MINPP1: variants seen among roughly 807,000 people sequenced by gnomAD.
The protein encoded by MINPP1 is multiple inositol-polyphosphate phosphatase 1, also known as multiple inositol polyphosphate phosphatase 1.
MINPP1 carries 28 observed loss-of-function variants against 46.1 expected under a neutral mutation model. That is an observed-to-expected ratio of 0.61 (90% CI 0.45 to 0.83). MINPP1 has a LOEUF of 0.83. MINPP1 is among the 40% of genes least tolerant of loss of function. MINPP1 has a pLI of 0.00. For synonymous variants in MINPP1, 268 were observed against 249.1 expected (o/e 1.08, Z -0.72); for missense variants, 603 against 610.0 (o/e 0.99, Z 0.12).
rs146529700 is a variant in MINPP1 at position 87,505,228 on chromosome 10, C to T, written c.313C>T (p.Leu105=). The T allele has an allele frequency of 3.7e-6, 6 of 1,612,142 alleles. No individual in the cohort carries two copies. In the African/African-American group the frequency reaches 6.7e-5, roughly 18 times the overall value. Residue 105 remains leucine (L), a synonymous_variant, in exon 1 of 5, where the codon CTG becomes TTG. Coordinates refer to ENST00000371996, the MANE Select transcript of MINPP1 (RefSeq NM_004897.5). The surrounding 1 kb of genome is among the most constrained non-coding windows in gnomAD (Gnocchi z 4.4). ...TVKQIRKLRQ[L]HGLLQARGSR... ...CAAACAGATCCGCAAGCTGAGGCAGCTGCACGGGTTGCTGCAGGCCCGCGG... is the reference window on the plus strand; with the variant it reads ...CAAACAGATCCGCAAGCTGAGGCAGTTGCACGGGTTGCTGCAGGCCCGCGG...
intron 4 of MINPP1, among the ~76,000 whole-genome samples, chr10:87,535,853 A>T (rs10788548): frequency 0.85 from 129,799 of 152,092 alleles, 55,745 homozygotes; most frequent in African/African-American, 0.95. Flanking sequence ...CACCTGAGCC[A>T]GGGAGCTCGA....
rs1310306593 is a variant in MINPP1 at position 87,552,617 on chromosome 10, TTC to T, written c.*145_*146del. The T allele has an allele frequency of 2.3e-6, 2 of 882,026 alleles. No individual in the cohort carries two copies. The highest frequency in any genetic ancestry group is 3.5e-6 in the Non-Finnish European group (2 of 571,582). The allele number at this position is 882,026 out of a possible 1,614,324, so 54.6% of individuals were successfully genotyped here. A position where few individuals can be genotyped will look rare whatever the true frequency, so the allele number is the denominator to read the frequency against. ...GTCTTTTCACAGAAAAACATTGGGT[TTC>T]TCTCTGGGTTTGGACATGAAATGTA... On this transcript the variant is annotated 3_prime_UTR_variant, in exon 5 of 5. Transcript: ENST00000371996.
chr10:87,513,323 G>A (rs1851363382), intron 3 of MINPP1, 102 bp downstream of exon 3: 3 of 779,290 alleles, frequency 3.8e-6, no homozygotes, highest in Non-Finnish European at 6.7e-6. Flanking sequence ...AAAATGAGTA[G>A]TTAGGGAACA....
chr10:87,525,476 C>G (rs1047012439), intron 4 of MINPP1, among the ~76,000 whole-genome samples: 1 of 152,130 alleles, frequency 6.6e-6, no homozygotes, highest in Non-Finnish European at 1.5e-5. Flanking sequence ...ATGTATCATT[C>G]TTTTTCATGG....
intron 1 of MINPP1, chr10:87,508,051 G>A: frequency 6.9e-7 from 1 of 1,443,396 alleles, no homozygotes; most frequent in Non-Finnish European, 9.0e-7. Context: ...GACAGAAACA[G>A]TACTTATTAA....
At chr10:87,527,110 G>A (rs1053295723) in intron 4 of MINPP1, among the ~76,000 whole-genome samples, 7 of 152,170 alleles carry the variant, frequency 4.6e-5, no homozygotes, top group African/African-American at 1.7e-4. Context: ...AATGAGGATG[G>A]CATTGAATCT....
At chr10:87,508,609 AAC>A in intron 2 of MINPP1, 76 bp downstream of exon 2, 1 of 1,416,156 alleles carries the variant, frequency 7.1e-7, no homozygotes, top group South Asian at 1.2e-5. Context: ...AACATAAGGA[AAC>A]AGTCTTTTTT....
At chr10:87,524,033 T>TA (rs1326150426) in intron 4 of MINPP1, among the ~76,000 whole-genome samples, 1 of 152,240 alleles carries the variant, frequency 6.6e-6, no homozygotes, top group Non-Finnish European at 1.5e-5. Flanking sequence ...GGCTTCAACT[T>TA]ACAGTCAGGA....
intron 2 of MINPP1, among the ~76,000 whole-genome samples, chr10:87,510,649 C>A (rs1335797058): frequency 6.6e-6 from 1 of 152,188 alleles, no homozygotes; most frequent in Admixed American, 6.5e-5. Context: ...AATCCCAGCA[C>A]TTTGGGAGGC....
intron 3 of MINPP1, among the ~76,000 whole-genome samples, chr10:87,515,355 C>G (rs1250818081): frequency 6.6e-6 from 1 of 151,640 alleles, no homozygotes; most frequent in Non-Finnish European, 1.5e-5. Flanking sequence ...CCACTGCATT[C>G]CAGCCTGGGC....
At chr10:87,547,476 C>A (rs967596103) in intron 4 of MINPP1, among the ~76,000 whole-genome samples, 1 of 152,130 alleles carries the variant, frequency 6.6e-6, no homozygotes, top group Non-Finnish European at 1.5e-5. Context: ...TACTCTACTC[C>A]TCATAAACAA....
chr10:87,520,982 G>A, intron 3 of MINPP1, 54 bp from the exon 4 acceptor site: 1 of 732,682 alleles, frequency 1.4e-6, no homozygotes, highest in Non-Finnish European at 2.3e-6. Flanking sequence ...TTAAATCAGG[G>A]AATCTTGTTA....
In MINPP1 at chr10:87,505,357, G is replaced by C. The variant is rs1851226828; in HGVS notation, c.442G>C (p.Glu148Gln). 11 of 1,613,930 alleles carry C rather than the reference G, an allele frequency of 6.8e-6. No homozygotes were observed. Among genetic ancestry groups the C allele is most frequent in the Non-Finnish European group, 9.3e-6 (11 of 1,179,934 alleles). ...YADWMDGQLV[E>Q]KGRQDMRQLA... ...GGACTGGATGGACGGGCAGCTAGTA[G>C]AGAAGGGACGGCAGGATATGCGACA... The change falls in exon 1 of 5, where the codon GAG (glutamate) becomes CAG (glutamine). Residue 148 changes from glutamate to glutamine, a missense_variant. Physicochemically the swap from Glu to Gln is conservative, Grantham distance 29. Around this residue, in one of 3 missense-constraint regions of MINPP1, gnomAD observed 20 missense variants for 39.5 expected, o/e 0.51. Coordinates refer to ENST00000371996, the MANE Select transcript of MINPP1 (RefSeq NM_004897.5). This position sits in a 1 kb window ranked among gnomAD's most constrained non-coding sequence, Gnocchi z 4.4.
Position 87,505,438 on chromosome 10 carries a change from G to A in MINPP1, c.523G>A (p.Gly175Ser), listed in dbSNP as rs763719114. 6 of 1,613,156 alleles carry A rather than the reference G, an allele frequency of 3.7e-6. No individual in the cohort carries two copies. The highest frequency in any genetic ancestry group is 5.1e-6 in the Non-Finnish European group (6 of 1,179,670). The change falls in exon 1 of 5, where the codon GGC (glycine) becomes AGC (serine). Residue 175 changes from glycine (G) to serine (S), a missense_variant. Around this residue, in one of 3 missense-constraint regions of MINPP1, gnomAD observed 344 missense variants for 381.1 expected, o/e 0.90. Coordinates refer to ENST00000371996, the MANE Select transcript of MINPP1 (RefSeq NM_004897.5). This position sits in a 1 kb window ranked among gnomAD's most constrained non-coding sequence, Gnocchi z 4.4. ...GGCCCTTTTCAGCCGTGAGAACTACGGCCGCCTGCGGCTCATCACCAGTTC... is the reference window on the plus strand; with the variant it reads ...GGCCCTTTTCAGCCGTGAGAACTACAGCCGCCTGCGGCTCATCACCAGTTC... The part of the protein sequence containing the change: ...FPALFSRENY[G>S]RLRLITSSKH...
intron 4 of MINPP1, among the ~76,000 whole-genome samples, chr10:87,547,671 G>A (rs187310353): frequency 1.6e-3 from 237 of 152,210 alleles, no homozygotes; most frequent in Non-Finnish European, 2.4e-3. Flanking sequence ...ACTTGATACC[G>A]TGTTTACCTT....
chr10:87,520,402 A>G (rs933054690), intron 3 of MINPP1, among the ~76,000 whole-genome samples: 1 of 152,060 alleles, frequency 6.6e-6, no homozygotes, highest in African/African-American at 2.4e-5. Context: ...GTGTGTTTTC[A>G]TGGATTTTGC....
intron 1 of MINPP1, among the ~76,000 whole-genome samples, chr10:87,506,931 C>G (rs975538147): frequency 1.3e-5 from 2 of 152,004 alleles, no homozygotes; most frequent in Non-Finnish European, 2.9e-5. Context: ...TAAATATATA[C>G]TTTTTCCATT....
chr10:87,523,255 C>T (rs1851527913), intron 4 of MINPP1, among the ~76,000 whole-genome samples: 2 of 152,306 alleles, frequency 1.3e-5, no homozygotes, highest in East Asian at 1.9e-4. Context: ...TTCCAGTTTA[C>T]ATTCCTCAGA....
intron 4 of MINPP1, among the ~76,000 whole-genome samples, chr10:87,530,604 C>T (rs919311374): frequency 3.3e-5 from 5 of 152,088 alleles, no homozygotes; most frequent in East Asian, 1.9e-4. Flanking sequence ...GGTTGTCAGT[C>T]GGCCCCTACT....
Sources: allele counts gnomAD v4.1 joint callset (sites outside exome capture counted in the v4.1 genomes callset), GRCh38; gene constraint gnomAD v4.1.1; regional missense constraint gnomAD v4.1.1; non-coding constraint Gnocchi (gnomAD v3.1); transcripts MANE v1.5; gene names NCBI Gene and HGNC (gene_info 2026-07-23, HGNC 2026-07-21).